The following UBE2E2 variants were observed in gnomAD, a reference collection of about 807,000 sequenced individuals.
UBE2E2 encodes the protein ubiquitin conjugating enzyme E2 E2.
Under a neutral mutation model 24.7 loss-of-function variants are expected in UBE2E2, and 6 were observed. The ratio of observed to expected loss-of-function variants is 0.24; its 90% CI spans 0.13 to 0.48. The LOEUF is 0.48. Ranked by LOEUF, UBE2E2 falls within the 20% of genes least tolerant of loss-of-function variation. The pLI, the probability that UBE2E2 is intolerant of heterozygous loss-of-function variation, is 0.99. For synonymous variants in UBE2E2, 104 were observed against 83.6 expected (o/e 1.24, Z -1.33); for missense variants, 169 against 245.0 (o/e 0.69, Z 2.07).
At chr3:23,375,460 A>G (rs1696497690) in intron 3 of UBE2E2, among the ~76,000 whole-genome samples, 1 of 152,210 alleles carries the variant, frequency 6.6e-6, no homozygotes, top group South Asian at 2.1e-4. Context: ...CTTAGTCCTC[A>G]TCCTCAATGA....
At chr3:23,352,691 T>C (rs1695792821) in intron 3 of UBE2E2, among the ~76,000 whole-genome samples, 1 of 152,044 alleles carries the variant, frequency 6.6e-6, no homozygotes, top group Admixed American at 6.5e-5. Flanking sequence ...CAGGAAGAAG[T>C]TGAATCTCTG....
chr3:23,545,537 A>G (rs1390665043), intron 5 of UBE2E2, among the ~76,000 whole-genome samples: 1 of 152,186 alleles, frequency 6.6e-6, no homozygotes, highest in Non-Finnish European at 1.5e-5. Context: ...AAGGCAGAAG[A>G]ATTTTTTAGT....
intron 3 of UBE2E2, among the ~76,000 whole-genome samples, chr3:23,395,790 A>C (rs1374711273): frequency 6.6e-6 from 1 of 152,202 alleles, no homozygotes; most frequent in Non-Finnish European, 1.5e-5. Flanking sequence ...CTGTCAGCTC[A>C]CATGCTTCGT....
At chr3:23,349,550 G>A (rs1349471362) in intron 3 of UBE2E2, among the ~76,000 whole-genome samples, 2 of 152,210 alleles carry the variant, frequency 1.3e-5, no homozygotes, top group African/African-American at 4.8e-5. Flanking sequence ...CTTTTCTGAC[G>A]GGCTTAAAAA....
chr3:23,283,100 T>C (rs1172029370), intron 3 of UBE2E2, among the ~76,000 whole-genome samples: 1 of 152,214 alleles, frequency 6.6e-6, no homozygotes, highest in Non-Finnish European at 1.5e-5. Context: ...GGTTTTCTGA[T>C]TAAAATTCTT....
intron 3 of UBE2E2, among the ~76,000 whole-genome samples, chr3:23,397,723 T>C (rs895008458): frequency 2.0e-5 from 3 of 152,226 alleles, no homozygotes; most frequent in African/African-American, 7.2e-5. Flanking sequence ...TCATTTTCTT[T>C]GAAGTAGTAT....
intron 3 of UBE2E2, among the ~76,000 whole-genome samples, chr3:23,375,820 C>T (rs1410328731): frequency 1.3e-5 from 2 of 152,148 alleles, no homozygotes; most frequent in East Asian, 3.8e-4. Flanking sequence ...GAAAAGTTCA[C>T]TCTTGTTGCA....
At chr3:23,543,986 G>T (rs1695456197) in intron 5 of UBE2E2, among the ~76,000 whole-genome samples, 1 of 152,290 alleles carries the variant, frequency 6.6e-6, no homozygotes, top group Admixed American at 6.5e-5. Flanking sequence ...TCAACAAATG[G>T]TGCTGGGATA....
chr3:23,263,659 T>G (rs569336435), intron 3 of UBE2E2, among the ~76,000 whole-genome samples: 1 of 152,230 alleles, frequency 6.6e-6, no homozygotes, highest in Non-Finnish European at 1.5e-5. Flanking sequence ...AACATAGCCC[T>G]GCTTAATTTT....
intron 3 of UBE2E2, among the ~76,000 whole-genome samples, chr3:23,397,442 G>A (rs1182148833): frequency 1.3e-5 from 2 of 152,112 alleles, no homozygotes; most frequent in African/African-American, 4.8e-5. Flanking sequence ...TTATTATAAA[G>A]TGAACATCCA....
chr3:23,456,883 C>G (rs1449011263), intron 3 of UBE2E2, among the ~76,000 whole-genome samples: 1 of 152,228 alleles, frequency 6.6e-6, no homozygotes, highest in Non-Finnish European at 1.5e-5. Context: ...CTTCTCCTCT[C>G]TAGCTCGGAA....
chr3:23,534,270 A>G, intron 5 of UBE2E2: 11 of 978,710 alleles, frequency 1.1e-5, no homozygotes, highest in Non-Finnish European at 1.3e-5. Context: ...TTAAAGGAAT[A>G]GATTCATTCC....
At chr3:23,521,847 C>G (rs1657811892) in intron 4 of UBE2E2, among the ~76,000 whole-genome samples, 1 of 152,102 alleles carries the variant, frequency 6.6e-6, no homozygotes, top group Admixed American at 6.5e-5. Flanking sequence ...GAAGATTAAA[C>G]CAAGAAAGCT....
chr3:23,307,528 G>C (rs1428768537), intron 3 of UBE2E2, among the ~76,000 whole-genome samples: 1 of 152,078 alleles, frequency 6.6e-6, no homozygotes, highest in East Asian at 1.9e-4. Context: ...ATGATAGTGT[G>C]TATTTTGTTC....
At chr3:23,419,859 A>G (rs958261860) in intron 3 of UBE2E2, among the ~76,000 whole-genome samples, 1 of 152,162 alleles carries the variant, frequency 6.6e-6, no homozygotes, top group Non-Finnish European at 1.5e-5. Context: ...AGAATGGGGA[A>G]GCTCTCCCTT....
intron 5 of UBE2E2, among the ~76,000 whole-genome samples, chr3:23,578,994 A>G (rs1349512888): frequency 3.3e-5 from 5 of 152,170 alleles, no homozygotes; most frequent in Non-Finnish European, 5.9e-5. Flanking sequence ...AAGAGCTCTG[A>G]TAGAGATGTA....
chr3:23,532,912 A>G (rs1321076910), intron 5 of UBE2E2, among the ~76,000 whole-genome samples: 1 of 152,188 alleles, frequency 6.6e-6, no homozygotes, highest in Non-Finnish European at 1.5e-5. Context: ...AGGAAAAAGT[A>G]TAGTGTGGTA....
intron 3 of UBE2E2, among the ~76,000 whole-genome samples, chr3:23,332,246 G>T (rs757011373): frequency 6.6e-6 from 1 of 151,912 alleles, no homozygotes; most frequent in African/African-American, 2.4e-5. Context: ...CCTGGGCATC[G>T]ATCCTCCTAC....
At chr3:23,567,341 G>T (rs927632399) in intron 5 of UBE2E2, among the ~76,000 whole-genome samples, 3 of 152,172 alleles carry the variant, frequency 2.0e-5, no homozygotes, top group Non-Finnish European at 4.4e-5. Flanking sequence ...TCGTCAGGTG[G>T]TAGAACATGT....
Sources: gnomAD v4.1 joint callset for allele counts (sites outside exome capture counted in the v4.1 genomes callset) on GRCh38, gnomAD v4.1.1 for gene constraint, MANE v1.5 for transcripts, NCBI Gene and HGNC (gene_info 2026-07-23, HGNC 2026-07-21) for gene names.